Variants in SLC25A33 observed in about 807,000 individuals in gnomAD.
The protein encoded by SLC25A33 is bone marrow stromal cell mitochondrial carrier protein.
A neutral mutation model predicts 35.5 loss-of-function variants in SLC25A33; 15 were observed. That is an observed-to-expected ratio of 0.42 (90% CI 0.28 to 0.65). The LOEUF (loss-of-function observed/expected upper bound fraction) is 0.65, where lower values mean the gene tolerates loss of function less well. Ranked by LOEUF, SLC25A33 falls within the 30% of genes least tolerant of loss-of-function variation. The pLI, the probability that SLC25A33 is intolerant of heterozygous loss-of-function variation, is 0.20. For missense variants in SLC25A33, 257 were observed against 398.5 expected, an observed-to-expected ratio of 0.64 and a Z score of 3.02; for synonymous variants, 136 against 148.7, an observed-to-expected ratio of 0.91 and a Z score of 0.62.
chr1:9,577,090 GAAT>G, intron 5 of SLC25A33: 1 of 545,446 alleles, frequency 1.8e-6, no homozygotes, highest in Non-Finnish European at 3.2e-6. Context: ...GGGAAGAAAA[GAAT>G]AGCCAGGTGG....
intron 1 of SLC25A33, among the ~76,000 whole-genome samples, chr1:9,540,760 A>G (rs1479950781): frequency 2.0e-5 from 3 of 152,132 alleles, no homozygotes; most frequent in Non-Finnish European, 1.5e-5. Flanking sequence ...CTGGATTCCT[A>G]CCTGGATATG....
At chr1:9,575,460 C>T (rs962735624) in intron 5 of SLC25A33, among the ~76,000 whole-genome samples, 4 of 148,900 alleles carry the variant, frequency 2.7e-5, no homozygotes, top group African/African-American at 9.9e-5. Context: ...ACTAAAAATA[C>T]AAAAATTAGC....
intron 2 of SLC25A33, among the ~76,000 whole-genome samples, chr1:9,564,659 G>A (rs149971414): frequency 6.7e-6 from 1 of 150,110 alleles, no homozygotes; most frequent in Non-Finnish European, 1.5e-5. Context: ...GGCCAAGGTG[G>A]GTGGATCACT....
At chr1:9,564,372 C>CA (rs1313775496) in intron 2 of SLC25A33, among the ~76,000 whole-genome samples, 50 of 152,016 alleles carry the variant, frequency 3.3e-4, no homozygotes, top group Non-Finnish European at 1.5e-4. Flanking sequence ...AGTGGTTTCT[C>CA]AAAAAATTAG....
In SLC25A33 at chr1:9,553,608, C is replaced by T. The variant is rs772723142; in HGVS notation, c.57-18C>T. The T allele has an allele frequency of 8.1e-6, 13 of 1,612,058 alleles. No individual in the cohort carries two copies. Among genetic ancestry groups the T allele is most frequent in the Non-Finnish European group, 1.1e-5 (13 of 1,179,724 alleles). On this transcript the variant is annotated intron_variant, in intron 1 of 6. Coordinates refer to ENST00000302692, the MANE Select transcript of SLC25A33 (RefSeq NM_032315.3). ...GGAATAGTATAGCTTCTCTGATCTG[C>T]TTTGGTTTCCCTTACAGGTGTGGAG...
chr1:9,548,112 G>C (rs1366514592), intron 1 of SLC25A33, among the ~76,000 whole-genome samples: 1 of 152,094 alleles, frequency 6.6e-6, no homozygotes, highest in African/African-American at 2.4e-5. Flanking sequence ...CTGAGCTCAA[G>C]CAATCTGCCT....
chr1:9,576,709 C>T, intron 5 of SLC25A33: 1 of 720,298 alleles, frequency 1.4e-6, no homozygotes, highest in East Asian at 3.5e-5. Context: ...TGCTCACTTC[C>T]CCACCGACAT....
chr1:9,581,464 T>C (rs1292217304), intron 6 of SLC25A33, among the ~76,000 whole-genome samples: 1 of 152,184 alleles, frequency 6.6e-6, no homozygotes, highest in African/African-American at 2.4e-5. Context: ...TTAAAAGTTA[T>C]TTTGCTGTAA....
intron 3 of SLC25A33, among the ~76,000 whole-genome samples, chr1:9,568,012 A>G (rs1643535401): frequency 6.6e-6 from 1 of 152,238 alleles, no homozygotes; most frequent in Non-Finnish European, 1.5e-5. Context: ...TGGCTACTGT[A>G]TTGAAGAGCA....
At chr1:9,550,013 T>TATATATATATATATATATATACATATA (rs1237314230) in intron 1 of SLC25A33, among the ~76,000 whole-genome samples, 1 of 28,724 alleles carries the variant, frequency 3.5e-5, no homozygotes, top group African/African-American at 1.3e-4. Context: ...ATATATATAT[T>TATATATATATATATATATATACATATA]TTTTTTTTTT....
chr1:9,553,584 G>A, intron 1 of SLC25A33, 42 bp from the exon 2 acceptor site: 1 of 1,606,792 alleles, frequency 6.2e-7, no homozygotes, highest in Non-Finnish European at 8.5e-7. Flanking sequence ...ATTGTGTAGG[G>A]AATAGTATAG....
intron 4 of SLC25A33, 88 bp from the exon 5 acceptor site, chr1:9,573,258 A>G (rs1226547041): frequency 7.6e-6 from 7 of 922,872 alleles, no homozygotes; most frequent in South Asian, 1.8e-5. Context: ...TGAAATCCCT[A>G]TTTCAAAGTT....
At chr1:9,579,547 C>T (rs1476837975) in intron 5 of SLC25A33, among the ~76,000 whole-genome samples, 2 of 152,146 alleles carry the variant, frequency 1.3e-5, no homozygotes, top group African/African-American at 4.8e-5. Flanking sequence ...GAGTAAGGGG[C>T]GTGGAGCTTT....
intron 2 of SLC25A33, among the ~76,000 whole-genome samples, chr1:9,561,233 G>A (rs1384178328): frequency 1.3e-5 from 2 of 152,088 alleles, no homozygotes; most frequent in African/African-American, 2.4e-5. Context: ...GTGAGCCACC[G>A]CGCGCAGCCC....
At chr1:9,543,911 G>A (rs1044453526) in intron 1 of SLC25A33, among the ~76,000 whole-genome samples, 1 of 152,144 alleles carries the variant, frequency 6.6e-6, no homozygotes, top group African/African-American at 2.4e-5. Flanking sequence ...TTCGAGACCA[G>A]CCTGGCCAAC....
At chr1:9,574,198 C>T (rs1185688004) in intron 5 of SLC25A33, among the ~76,000 whole-genome samples, 1 of 151,430 alleles carries the variant, frequency 6.6e-6, no homozygotes, top group Non-Finnish European at 1.5e-5. Flanking sequence ...AGCAATCCTC[C>T]TGCCTCAGCC....
At chr1:9,564,761 T>C (rs185142981) in intron 2 of SLC25A33, among the ~76,000 whole-genome samples, 1,854 of 136,934 alleles carry the variant, frequency 0.014, 65 homozygotes, top group African/African-American at 0.048. Context: ...TATATATATA[T>C]ATATACACAA....
chr1:9,561,344 C>T (rs1019311960), intron 2 of SLC25A33, among the ~76,000 whole-genome samples: 2 of 152,066 alleles, frequency 1.3e-5, no homozygotes, highest in African/African-American at 2.4e-5. Flanking sequence ...AGACATTTGT[C>T]TTGGATTAGT....
At chr1:9,565,053 G>A (rs533713443) in intron 2 of SLC25A33, among the ~76,000 whole-genome samples, 87 of 152,282 alleles carry the variant, frequency 5.7e-4, no homozygotes, top group African/African-American at 2.0e-3. Context: ...ACCTAGAGTT[G>A]TCAGATTAGA....
Sources: allele counts gnomAD v4.1 joint callset (sites outside exome capture counted in the v4.1 genomes callset), GRCh38; gene constraint gnomAD v4.1.1; transcripts MANE v1.5; gene names NCBI Gene and HGNC (gene_info 2026-07-23, HGNC 2026-07-21).